Variants in YBX3 observed in about 807,000 individuals in gnomAD.
The protein encoded by YBX3 is Y-box-binding protein 3.
YBX3 carries 29 observed loss-of-function variants against 42.4 expected under a neutral mutation model. That is an observed-to-expected ratio of 0.68 (90% CI 0.51 to 0.93). The LOEUF is 0.93. Among genes scored for constraint, YBX3 ranks in the 40% least tolerant of loss-of-function variants. The pLI, the probability that YBX3 is intolerant of heterozygous loss-of-function variation, is 0.00. For missense variants in YBX3, 517 were observed against 527.5 expected (o/e 0.98, Z 0.19); for synonymous variants, 195 against 189.8 (o/e 1.03, Z -0.22).
chr12:10,722,626 G>T (rs956814750), intron 1 of YBX3, among the ~76,000 whole-genome samples: 1 of 152,238 alleles, frequency 6.6e-6, no homozygotes, highest in South Asian at 2.1e-4. Flanking sequence ...GCACACGGCC[G>T]CCAGGAGCGC....
Position 10,704,034 on chromosome 12 carries a change from T to C in YBX3, c.878+17A>G, listed in dbSNP as rs757609940. On this transcript the variant is annotated intron_variant, in intron 7 of 9. Coordinates refer to ENST00000228251, the MANE Select transcript of YBX3 (RefSeq NM_003651.5). ...CACAAGTCCTTTAACTGGCCATTAG[T>C]GGAAAATGCGACATACCTACGGTAC... is the stretch of plus-strand genomic sequence containing the variant. 3 of 1,613,294 alleles carry C rather than the reference T, an allele frequency of 1.9e-6. No individual in the cohort carries two copies. The highest frequency in any genetic ancestry group is 2.5e-6 in the Non-Finnish European group (3 of 1,179,328).
rs1948355203 is a variant in YBX3, at chr12:10,723,152, G to A, written c.-41C>T. 1.5e-5 allele frequency: 18 copies of A among 1,190,718 alleles called. No individual in the cohort carries two copies. Among genetic ancestry groups the A allele is most frequent in the Non-Finnish European group, 1.9e-5 (18 of 961,510 alleles). The allele number at this position is 1,190,718 out of a possible 1,614,324, so 73.8% of individuals were successfully genotyped here. On this transcript the variant is annotated 5_prime_UTR_variant, in exon 1 of 10. Transcript: ENST00000228251. ...GCTCTCGCTCAGGCGCCTCGGTGGC[G>A]GTTGGTCGGCGGTTAGCGCGGCTGG...
At chr12:10,711,282 T>C (rs912889276) in intron 5 of YBX3, 2 of 152,200 alleles carry the variant, frequency 1.3e-5, no homozygotes, top group African/African-American at 4.8e-5. Flanking sequence ...GGGAAGTAAC[T>C]AGTTTTTAAA....
At position 10,701,984 on chromosome 12, in the gene YBX3, G is replaced by A. The variant is rs749563516; in HGVS notation, c.1029C>T (p.Asn343=). The A allele has an allele frequency of 9.3e-6, 15 of 1,613,406 alleles. No homozygotes were observed. The highest frequency in any genetic ancestry group is 4.4e-5 in the South Asian group (4 of 90,982). ...CCTCTTTGCCATCTTGTGAAGGAGC[G>A]TTAGGAGGACGCGGGCGACGCCGGT... ...YNYRRRPRPP[N]APSQDGKEAK... The change falls in exon 8 of 10, where the codon AAC becomes AAT. Residue 343 remains asparagine, a synonymous_variant. Coordinates refer to ENST00000228251, the MANE Select transcript of YBX3 (RefSeq NM_003651.5).
intron 1 of YBX3, among the ~76,000 whole-genome samples, chr12:10,721,293 GA>G (rs1948321898): frequency 6.6e-6 from 1 of 152,198 alleles, no homozygotes; most frequent in African/African-American, 2.4e-5. Context: ...GTTGCTTGAG[GA>G]AATTAACCTT....
intron 9 of YBX3, among the ~76,000 whole-genome samples, chr12:10,700,939 G>A (rs951408066): frequency 6.6e-6 from 1 of 152,074 alleles, no homozygotes. Flanking sequence ...ACTAAAACCA[G>A]GCCTTTGTTA....
intron 3 of YBX3, among the ~76,000 whole-genome samples, chr12:10,717,382 C>T (rs897043120): frequency 1.3e-5 from 2 of 152,170 alleles, no homozygotes; most frequent in African/African-American, 4.8e-5. Flanking sequence ...ACAAAAAGAA[C>T]ACTAAGGATA....
chr12:10,716,933 T>C (rs897001352), intron 3 of YBX3, among the ~76,000 whole-genome samples: 1 of 152,120 alleles, frequency 6.6e-6, no homozygotes, highest in African/African-American at 2.4e-5. Context: ...GGTCATATAC[T>C]CACAGGCTAA....
chr12:10,715,810 C>T (rs370484695), intron 3 of YBX3, 27 bp from the exon 4 acceptor site: 176 of 1,587,076 alleles, frequency 1.1e-4, no homozygotes, highest in East Asian at 4.5e-5. Flanking sequence ...AAATTTTATT[C>T]GATGTATATT....
intron 9 of YBX3, among the ~76,000 whole-genome samples, chr12:10,700,985 G>T (rs1221372167): frequency 6.6e-6 from 1 of 152,134 alleles, no homozygotes; most frequent in African/African-American, 2.4e-5. Context: ...AGTGGTACTA[G>T]TAGTTAAAAA....
intron 3 of YBX3, 145 bp from the exon 4 acceptor site, chr12:10,715,928 C>A: frequency 1.6e-6 from 1 of 641,028 alleles, no homozygotes; most frequent in Non-Finnish European, 2.7e-6. Flanking sequence ...GTTGGATCTC[C>A]AACACAACAA....
At chr12:10,704,193 G>T (rs772219735) in intron 6 of YBX3, 45 bp from the exon 7 acceptor site, 3 of 1,537,968 alleles carry the variant, frequency 2.0e-6, no homozygotes, top group East Asian at 2.2e-5. Flanking sequence ...CAGCACAGGG[G>T]ATAAGATACA....
At chr12:10,719,010 G>A (rs544481647) in intron 2 of YBX3, 70 bp downstream of exon 2, 2 of 1,442,340 alleles carry the variant, frequency 1.4e-6, no homozygotes, top group African/African-American at 2.8e-5. Context: ...TGAAGGCTAA[G>A]GGATTTATAA....
intron 1 of YBX3, among the ~76,000 whole-genome samples, chr12:10,719,535 A>T (rs1403766450): frequency 6.6e-6 from 1 of 152,230 alleles, no homozygotes; most frequent in African/African-American, 2.4e-5. Flanking sequence ...AAAGACCTTA[A>T]CACATCACTT....
chr12:10,722,622 G>A (rs1358728140), intron 1 of YBX3, among the ~76,000 whole-genome samples: 1 of 152,220 alleles, frequency 6.6e-6, no homozygotes, highest in African/African-American at 2.4e-5. Flanking sequence ...AGATGCACAC[G>A]GCCGCCAGGA....
chr12:10,722,643 C>T (rs1437164364), intron 1 of YBX3, among the ~76,000 whole-genome samples: 1 of 152,226 alleles, frequency 6.6e-6, no homozygotes, highest in South Asian at 2.1e-4. Context: ...GCGCAGGGCG[C>T]AGCGCGCTCA....
chr12:10,701,931 C>A, intron 8 of YBX3, 29 bp downstream of exon 8: 2 of 1,586,216 alleles, frequency 1.3e-6, no homozygotes, highest in Non-Finnish European at 1.7e-6. Context: ...GACTATCTGG[C>A]AACATCCGCC....
chr12:10,701,823 T>C (rs1591720867), intron 8 of YBX3, 137 bp downstream of exon 8: 1 of 973,644 alleles, frequency 1.0e-6, no homozygotes, highest in Non-Finnish European at 1.5e-6. Flanking sequence ...GCATACCCTA[T>C]ATATATGGAT....
At position 10,723,192 on chromosome 12, in the gene YBX3, G is replaced by A. The variant is rs1007110095; in HGVS notation, c.-81C>T. ...AGCGCGGCTGGTGGTCGCGGCGGCCGGGGCTCGCTCTCGGGGAGGCCGGGG... is the reference window on the plus strand; with the variant it reads ...AGCGCGGCTGGTGGTCGCGGCGGCCAGGGCTCGCTCTCGGGGAGGCCGGGG... On this transcript the variant is annotated 5_prime_UTR_variant, in exon 1 of 10. Coordinates refer to ENST00000228251, the MANE Select transcript of YBX3 (RefSeq NM_003651.5). The A allele has an allele frequency of 1.7e-6, 2 of 1,178,832 alleles. No individual in the cohort carries two copies. The highest frequency in any genetic ancestry group is 4.2e-5 in the South Asian group (1 of 23,920). The allele number at this position is 1,178,832 out of a possible 1,614,324, so 73.0% of individuals were successfully genotyped here.
Sources: allele counts gnomAD v4.1 joint callset (sites outside exome capture counted in the v4.1 genomes callset), GRCh38; gene constraint gnomAD v4.1.1; transcripts MANE v1.5; gene names NCBI Gene and HGNC (gene_info 2026-07-23, HGNC 2026-07-21).